WDFY3: variants seen among roughly 807,000 people sequenced by gnomAD.
The protein encoded by WDFY3 is WD repeat and FYVE domain-containing protein 3.
A neutral mutation model predicts 409.6 loss-of-function variants in WDFY3; 66 were observed. The ratio of observed to expected loss-of-function variants is 0.16; its 90% CI spans 0.13 to 0.20. The LOEUF (loss-of-function observed/expected upper bound fraction) is 0.20. Among genes scored for constraint, WDFY3 ranks in the 10% least tolerant of loss-of-function variants. The probability of loss-of-function intolerance (pLI) is 1.00; values close to 1 mark genes in which losing one functional copy is unlikely to be tolerated. For missense variants in WDFY3, 3,031 were observed against 4,298.1 expected (o/e 0.71, Z 8.24); for synonymous variants, 1,521 against 1,537.1 (o/e 0.99, Z 0.25).
intron 2 of WDFY3, among the ~76,000 whole-genome samples, chr4:84,915,145 C>T (rs770814859): frequency 3.3e-5 from 5 of 151,906 alleles, no homozygotes; most frequent in Admixed American, 6.6e-5. Context: ...AGACAGAAAA[C>T]AGAATAGAGG....
chr4:84,840,785 T>A (rs1366529895), intron 6 of WDFY3, among the ~76,000 whole-genome samples: 1 of 151,620 alleles, frequency 6.6e-6, no homozygotes, highest in South Asian at 2.1e-4. Flanking sequence ...CTCTCTATGT[T>A]GCCCAGACTG....
intron 1 of WDFY3, among the ~76,000 whole-genome samples, chr4:84,949,803 C>T (rs543531242): frequency 3.5e-4 from 53 of 152,134 alleles, no homozygotes; most frequent in Non-Finnish European, 6.2e-4. Flanking sequence ...GTCGAAAACT[C>T]AAGGACAAAA....
Position 84,835,145 on chromosome 4 carries a change from G to C in WDFY3, c.576+1784C>G, listed in dbSNP as rs548585626. ...ATGCTAAAGTGACTCCCACATGATC[G>C]AAAGTCAGCACCTGGTTTTCAAATA... On this transcript the variant is annotated intron_variant, in intron 7 of 67. Coordinates refer to ENST00000295888, the MANE Select transcript of WDFY3 (RefSeq NM_014991.6). Among the ~76,000 whole-genome samples the C allele has an allele frequency of 3.3e-5, 5 of 152,258 alleles. No homozygotes were observed. In the South Asian group the frequency reaches 1.0e-3, roughly 32 times the overall value.
intron 7 of WDFY3, among the ~76,000 whole-genome samples, chr4:84,833,685 A>C (rs1174994946): frequency 6.6e-6 from 1 of 151,722 alleles, no homozygotes; most frequent in African/African-American, 2.4e-5. Flanking sequence ...AGAAAAGAAA[A>C]GAAAAGAGAA....
At chr4:84,880,616 T>C (rs1000306174) in intron 3 of WDFY3, among the ~76,000 whole-genome samples, 2 of 137,002 alleles carry the variant, frequency 1.5e-5, no homozygotes, top group African/African-American at 2.8e-5. Context: ...ATAAGCAACA[T>C]TGATTAAATT....
intron 13 of WDFY3, among the ~76,000 whole-genome samples, chr4:84,812,774 C>T (rs1752711217): frequency 6.6e-6 from 1 of 152,042 alleles, no homozygotes; most frequent in African/African-American, 2.4e-5. Context: ...TGGACAGGCC[C>T]ACCTCCTACT....
In WDFY3 at chr4:84,733,425, T is replaced by C. The variant is rs1421224075; in HGVS notation, c.7178A>G (p.His2393Arg). The C allele has an allele frequency of 6.2e-7, 1 of 1,614,174 alleles. No homozygotes were observed. The highest frequency in any genetic ancestry group is 8.5e-7 in the Non-Finnish European group (1 of 1,180,034). Residue 2393 changes from histidine to arginine, a missense_variant, in exon 44 of 68, where the codon CAT (histidine) becomes CGT (arginine). Transcript: ENST00000295888. The part of the protein sequence containing the change: ...KMVRNDMFYN[H>R]YPYVPETEQE... ...CTCAGTTTCTGGCACGTAAGGGTAA[T>C]GGTTATAAAACATATCATTTCGCAC...
At chr4:84,812,588 A>G (rs1270295882) in intron 13 of WDFY3, among the ~76,000 whole-genome samples, 3 of 152,172 alleles carry the variant, frequency 2.0e-5, no homozygotes, top group Admixed American at 2.0e-4. Flanking sequence ...CACTATCATC[A>G]ATTTTCAAAA....
rs1245650451 is a variant in WDFY3, at chr4:84,753,918, T to G, written c.5560-42A>C. 7.1e-5 allele frequency: 106 copies of G among 1,493,190 alleles called. 1 individual carries two copies. The highest frequency in any genetic ancestry group is 9.2e-5 in the Non-Finnish European group (103 of 1,122,152). 92.5% of individuals were successfully genotyped at this position (1,493,190 alleles called of 1,614,324 possible). ...AGAGGAAACACTATGTTACAGTTAT[T>G]GACACTGCTATAAATTATTTTAAAA... is the stretch of plus-strand genomic sequence containing the variant. On this transcript the variant is annotated intron_variant, in intron 34 of 67. Coordinates refer to ENST00000295888, the MANE Select transcript of WDFY3 (RefSeq NM_014991.6).
At chr4:84,875,306 A>ACG in intron 3 of WDFY3, among the ~76,000 whole-genome samples, 1 of 150,558 alleles carries the variant, frequency 6.6e-6, no homozygotes, top group East Asian at 2.0e-4. Flanking sequence ...ACACACACAC[A>ACG]GAACATACAG....
chr4:84,686,306 AAAATAAAT>A (rs544272576), intron 62 of WDFY3, among the ~76,000 whole-genome samples: 2 of 151,988 alleles, frequency 1.3e-5, no homozygotes, highest in African/African-American at 4.8e-5. Flanking sequence ...ACTCCATCTC[AAAATAAAT>A]AAATAAATAA....
chr4:84,766,935 C>T (rs955604844), intron 30 of WDFY3, among the ~76,000 whole-genome samples: 2 of 152,210 alleles, frequency 1.3e-5, no homozygotes, highest in Non-Finnish European at 2.9e-5. Context: ...ACTGCAAGTA[C>T]ACAGAACTGG....
In WDFY3 at chr4:84,916,093, C is replaced by CAACT. The variant is rs1341832819; in HGVS notation, c.-132+16173_-132+16176dup. ...TTTATCACACTGGATAGGTACAAGA[C>CAACT]AACTATCTTTTTTGTGGACAAGCTG... On this transcript the variant is annotated intron_variant, in intron 2 of 67. Coordinates refer to ENST00000295888, the MANE Select transcript of WDFY3 (RefSeq NM_014991.6). Among the ~76,000 whole-genome samples, 30 of 152,220 alleles carry CAACT rather than the reference C, an allele frequency of 2.0e-4. No individual in the cohort carries two copies. In the East Asian group the frequency reaches 5.6e-3, roughly 28 times the overall value.
chr4:84,858,239 CATT>C (rs1046089988), intron 4 of WDFY3, among the ~76,000 whole-genome samples: 5 of 152,096 alleles, frequency 3.3e-5, no homozygotes, highest in African/African-American at 1.2e-4. Context: ...ATAAGGTTGA[CATT>C]ATTATTATTT....
At chr4:84,938,498 T>C (rs1160674202) in intron 1 of WDFY3, among the ~76,000 whole-genome samples, 1 of 152,184 alleles carries the variant, frequency 6.6e-6, no homozygotes, top group Non-Finnish European at 1.5e-5. Flanking sequence ...CACTAACTGC[T>C]GTCATATTTA....
chr4:84,696,904 T>C (rs1730243105), intron 56 of WDFY3, 81 bp from the exon 57 acceptor site: 10 of 1,285,056 alleles, frequency 7.8e-6, no homozygotes, highest in Non-Finnish European at 1.1e-5. Flanking sequence ...GACTGAGAAA[T>C]GGTGGGTTAG....
intron 58 of WDFY3, among the ~76,000 whole-genome samples, chr4:84,694,243 A>C (rs1729738341): frequency 6.6e-6 from 1 of 152,204 alleles, no homozygotes; most frequent in Non-Finnish European, 1.5e-5. Context: ...ATGAATGTGC[A>C]TTTACTGAAG....
At chr4:84,801,510 G>C (rs979548900) in intron 17 of WDFY3, 140 bp downstream of exon 17, 2 of 742,682 alleles carry the variant, frequency 2.7e-6, no homozygotes, top group African/African-American at 3.6e-5. Flanking sequence ...GCCATATTTT[G>C]AGTATTTTGT....
chr4:84,821,432 T>C lies in WDFY3; in HGVS notation c.1243A>G (p.Asn415Asp), dbSNP rs142388227. The C allele has an allele frequency of 6.2e-7, 1 of 1,613,916 alleles. No homozygotes were observed. Among genetic ancestry groups the C allele is most frequent in the Non-Finnish European group, 8.5e-7 (1 of 1,179,868 alleles). Residue 415 changes from asparagine to aspartate, a missense_variant, in exon 11 of 68, where the codon AAT (asparagine) becomes GAT (aspartate). Transcript: ENST00000295888. The stretch of plus-strand genomic sequence containing the variant: ...GACTCTAGGATGAAGTAATTGGCAT[T>C]GTCAGCCATGTAAATATTTGTGATA... ...DAITNIYMADNANYFILESQH... is the reference protein window; with the variant it reads ...DAITNIYMADDANYFILESQH...
Sources: allele counts gnomAD v4.1 joint callset (sites outside exome capture counted in the v4.1 genomes callset), GRCh38; gene constraint gnomAD v4.1.1; transcripts MANE v1.5; gene names NCBI Gene and HGNC (gene_info 2026-07-23, HGNC 2026-07-21).